ZNF764: variants seen among roughly 807,000 people sequenced by gnomAD.
ZNF764 encodes the protein zinc finger protein 764.
Under a neutral mutation model 13.9 loss-of-function variants are expected in ZNF764, and 10 were observed. That is an observed-to-expected ratio of 0.72 (90% CI 0.44 to 1.22). ZNF764 has a LOEUF of 1.22. Among genes scored for constraint, ZNF764 ranks in the 50% most tolerant of loss-of-function variants. The pLI is 0.00. For missense variants in ZNF764, 647 were observed against 589.7 expected (o/e 1.10, Z -1.01); for synonymous variants, 313 against 255.1 (o/e 1.23, Z -2.16).
At position 30,554,005 on chromosome 16, in the gene ZNF764, T is replaced by G. The variant is rs1229180078; in HGVS notation, c.*1189A>C. The G allele has an allele frequency of 6.6e-6, 1 of 152,138 alleles. No individual in the cohort carries two copies. Among genetic ancestry groups the G allele is most frequent in the African/African-American group, 2.4e-5 (1 of 41,422 alleles). 9.4% of individuals were successfully genotyped at this position (152,138 alleles called of 1,614,324 possible). A position where few individuals can be genotyped will look rare whatever the true frequency, so the allele number is the denominator to read the frequency against. On this transcript the variant is annotated 3_prime_UTR_variant, in exon 3 of 3. Coordinates refer to ENST00000395091, the MANE Select transcript of ZNF764 (RefSeq NM_001172679.2). ...CACCAAAAACACTAAAAGCAAGCCATGATGAATGGCACGTGGTGCTTGGTC... is the reference window on the plus strand; with the variant it reads ...CACCAAAAACACTAAAAGCAAGCCAGGATGAATGGCACGTGGTGCTTGGTC...
Position 30,555,541 on chromosome 16 carries a change from G to T in ZNF764, c.877C>A (p.Arg293Ser). The T allele has an allele frequency of 6.5e-7, 1 of 1,530,930 alleles. No individual in the cohort carries two copies. Among genetic ancestry groups the T allele is most frequent in the Non-Finnish European group, 8.7e-7 (1 of 1,144,720 alleles). 94.8% of individuals were successfully genotyped at this position (1,530,930 alleles called of 1,614,324 possible). The change falls in exon 3 of 3, where the codon CGC becomes AGC. Residue 293 changes from arginine (R) to serine (S), a missense_variant. Coordinates refer to ENST00000395091, the MANE Select transcript of ZNF764 (RefSeq NM_001172679.2). Reference sequence around the variant, plus strand: ...AGGTCCGAGGGGTAGGCGAAGGCGCGGCCACAGTCCGGGCAGGGGAAGGGG... The same window carrying T: ...AGGTCCGAGGGGTAGGCGAAGGCGCTGCCACAGTCCGGGCAGGGGAAGGGG... Reference protein sequence around the residue: ...ETPFPCPDCGRAFAYPSDLRR... With the variant: ...ETPFPCPDCGSAFAYPSDLRR...
At chr16:30,556,131 A>G in intron 2 of ZNF764, 24 bp from the exon 3 acceptor site, 1 of 1,608,164 alleles carries the variant, frequency 6.2e-7, no homozygotes, top group South Asian at 1.1e-5. Context: ...AAGAGGGGAG[A>G]GTTCAGGCTC....
At position 30,558,140 on chromosome 16, in the gene ZNF764, C is replaced by G. The variant is rs572425721; in HGVS notation, c.43G>C (p.Gly15Arg). 2 of 1,604,926 alleles carry G rather than the reference C, an allele frequency of 1.2e-6. No individual in the cohort carries two copies. Among genetic ancestry groups the G allele is most frequent in the South Asian group, 2.2e-5 (2 of 90,694 alleles). ...LAPLPPRDPN[G>R]AGPEWREPGA... ...GGCTCCCTCCACTCGGGTCCGGCCC[C>G]GTTTGGGTCCCGGGGAGGGAGCGGG... The change falls in exon 1 of 3, where the codon GGG becomes CGG. Residue 15 changes from glycine to arginine, a missense_variant. Gly to Arg is a moderately radical substitution (Grantham distance 125). Transcript: ENST00000395091.
In ZNF764 at chr16:30,555,497, G is replaced by A; in HGVS notation, c.921C>T (p.Thr307=). 1 of 1,542,170 alleles carries A rather than the reference G, an allele frequency of 6.5e-7. No individual in the cohort carries two copies. Among genetic ancestry groups the A allele is most frequent in the Non-Finnish European group, 8.7e-7 (1 of 1,149,368 alleles). ...ACGGGTAGGGCTTCTCGCCGGTGTG[G>A]GTGCGCACGTGGCGCCGCAGGTCCG... ...YPSDLRRHVR[T]HTGEKPYPCP... Residue 307 remains threonine (T), a synonymous_variant, in exon 3 of 3, where the codon ACC becomes ACT. Coordinates refer to ENST00000395091, the MANE Select transcript of ZNF764 (RefSeq NM_001172679.2).
chr16:30,555,811 G>C lies in ZNF764; in HGVS notation c.607C>G (p.His203Asp). Residue 203 changes from histidine (H) to aspartate (D), a missense_variant, in exon 3 of 3, where the codon CAC becomes GAC. By Grantham distance (81) the His-to-Asp change is moderately conservative (BLOSUM62 -1). Coordinates refer to ENST00000395091, the MANE Select transcript of ZNF764 (RefSeq NM_001172679.2). ...VYSHTGEKPF[H>D]CTDCGKGFGH... Reference sequence around the variant, plus strand: ...AAGCCCTTGCCGCAGTCAGTGCAGTGGAAGGGCTTCTCGCCAGTGTGACTG... The same window carrying C: ...AAGCCCTTGCCGCAGTCAGTGCAGTCGAAGGGCTTCTCGCCAGTGTGACTG... The C allele has an allele frequency of 6.2e-7, 1 of 1,611,500 alleles. No individual in the cohort carries two copies. The highest frequency in any genetic ancestry group is 8.5e-7 in the Non-Finnish European group (1 of 1,179,890).
At chr16:30,557,424 G>T (rs2051566038) in intron 2 of ZNF764, among the ~76,000 whole-genome samples, 1 of 152,092 alleles carries the variant, frequency 6.6e-6, no homozygotes, top group Non-Finnish European at 1.5e-5. Flanking sequence ...CTATGATGCC[G>T]CCACTGCACT....
Position 30,555,448 on chromosome 16 carries a change from G to T in ZNF764, c.970C>A (p.Arg324Ser). ...YPCPDCGRCFRQSSEMAAHRR... is the reference protein window; with the variant it reads ...YPCPDCGRCFSQSSEMAAHRR... Reference sequence around the variant, plus strand: ...TGGGCTGCCATCTCCGAGCTCTGGCGGAAGCAGCGCCCGCAGTCCGGGCAC... The same window carrying T: ...TGGGCTGCCATCTCCGAGCTCTGGCTGAAGCAGCGCCCGCAGTCCGGGCAC... The change falls in exon 3 of 3, where the codon CGC becomes AGC. Residue 324 changes from arginine to serine, a missense_variant. Arg to Ser is a moderately radical substitution (Grantham distance 110, BLOSUM62 -1). Coordinates refer to ENST00000395091, the MANE Select transcript of ZNF764 (RefSeq NM_001172679.2). 1 of 1,550,246 alleles carries T rather than the reference G, an allele frequency of 6.5e-7. No homozygotes were observed.
rs149618421 is a variant in ZNF764 at position 30,556,107 on chromosome 16, T to C, written c.311A>G (p.Asp104Gly). 564 of 1,610,534 alleles carry C rather than the reference T, an allele frequency of 3.5e-4. 1 individual carries two copies. The highest frequency in any genetic ancestry group is 4.5e-4 in the Non-Finnish European group (528 of 1,179,982). ...TCTTTCCTTTTTCTTGTTTCTGGAATCTGCTGAGAGATAAAGAGGGGAGAG... is the reference window on the plus strand; with the variant it reads ...TCTTTCCTTTTTCTTGTTTCTGGAACCTGCTGAGAGATAAAGAGGGGAGAG... ...VAKCQTQTDP[D>G]SRNKKKERQR... Residue 104 changes from aspartate (D) to glycine (G), a missense_variant and splice_region_variant, in exon 3 of 3, where the codon GAT (aspartate) becomes GGT (glycine). Coordinates refer to ENST00000395091, the MANE Select transcript of ZNF764 (RefSeq NM_001172679.2).
chr16:30,557,518 G>A (rs1350429536), intron 2 of ZNF764, among the ~76,000 whole-genome samples: 1 of 152,208 alleles, frequency 6.6e-6, no homozygotes, highest in African/African-American at 2.4e-5. Flanking sequence ...ACGCAGAGGT[G>A]AGGACTCAGA....
intron 2 of ZNF764, among the ~76,000 whole-genome samples, chr16:30,556,431 T>A (rs1466812175): frequency 6.6e-6 from 1 of 151,028 alleles, no homozygotes; most frequent in African/African-American, 2.4e-5. Flanking sequence ...CAGGAGGGCA[T>A]GGCCAAGTTC....
At position 30,555,709 on chromosome 16, in the gene ZNF764, G is replaced by A. The variant is rs780060820; in HGVS notation, c.709C>T (p.Arg237Trp). 23 of 1,586,628 alleles carry A rather than the reference G, an allele frequency of 1.4e-5. 1 individual carries two copies. The highest frequency in any genetic ancestry group is 4.3e-4 in the Middle Eastern group (2 of 4,648). ...AGCGCCGAGCGCTGCGTGAAGGCCC[G>A]GCCACACTCCAGACAGCGGTGGGGC... Reference protein sequence around the residue: ...ERPHRCLECGRAFTQRSALTS... With the variant: ...ERPHRCLECGWAFTQRSALTS... The change falls in exon 3 of 3, where the codon CGG becomes TGG. Residue 237 changes from arginine to tryptophan, a missense_variant. By Grantham distance (101) the Arg-to-Trp change is moderately radical. Transcript: ENST00000395091.
Position 30,557,792 on chromosome 16 carries a change from A to T in ZNF764, c.251T>A (p.Leu84Gln), listed in dbSNP as rs140195638. 1.5e-5 allele frequency: 24 copies of T among 1,613,016 alleles called. No homozygotes were observed. The African/African-American group carries it at 2.9e-4, about 20-fold the overall frequency. Residue 84 changes from leucine (L) to glutamine (Q), a missense_variant, in exon 2 of 3, where the codon CTG becomes CAG. Leu to Gln is a moderately radical substitution (Grantham distance 113). Transcript: ENST00000395091. ...LISWVEEEAELWGPAAQDPEV... is the reference protein window; with the variant it reads ...LISWVEEEAEQWGPAAQDPEV... ...CGGATCCTGGGCAGCCGGACCCCAC[A>T]GTTCGGCCTCCTCCTCCACCCAGGA... is the stretch of plus-strand genomic sequence containing the variant.
chr16:30,554,786 T>G lies in ZNF764; in HGVS notation c.*408A>C, dbSNP rs752379312. 3.8e-5 allele frequency: 6 copies of G among 159,816 alleles called. No homozygotes were observed. Among genetic ancestry groups the G allele is most frequent in the Admixed American group, 1.3e-4 (2 of 15,470 alleles). The allele number at this position is 159,816 out of a possible 1,614,324, so 9.9% of individuals were successfully genotyped here. A position where few individuals can be genotyped will look rare whatever the true frequency, so the allele number is the denominator to read the frequency against. ...ACAGAGCAGGAAGCTGTCTCAGAAA[T>G]AAATAAATAAATAAATAAAAAGACA... On this transcript the variant is annotated 3_prime_UTR_variant, in exon 3 of 3. Transcript: ENST00000395091.
In ZNF764 at chr16:30,557,858, G is replaced by A. The variant is rs760481963; in HGVS notation, c.197-12C>T. The A allele has an allele frequency of 3.1e-6, 5 of 1,595,938 alleles. No homozygotes were observed. Among genetic ancestry groups the A allele is most frequent in the Admixed American group, 1.7e-5 (1 of 57,206 alleles). On this transcript the variant is annotated splice_polypyrimidine_tract_variant and intron_variant, in intron 1 of 2. Transcript: ENST00000395091. ...GTTGCCTCCGATTCCTAGGGAAGAA[G>A]AACGCAAACCCCACGCTGCGGGGAG...
In ZNF764 at chr16:30,555,053, G is replaced by T; in HGVS notation, c.*141C>A. Reference sequence around the variant, plus strand: ...GGTGCTGGCAGAGGAGGCTGCTAAGGGCCCAAGATCAGACTGTCCGCACCC... The same window carrying T: ...GGTGCTGGCAGAGGAGGCTGCTAAGTGCCCAAGATCAGACTGTCCGCACCC... On this transcript the variant is annotated 3_prime_UTR_variant, in exon 3 of 3. Coordinates refer to ENST00000395091, the MANE Select transcript of ZNF764 (RefSeq NM_001172679.2). 1 of 994,668 alleles carries T rather than the reference G, an allele frequency of 1.0e-6. No homozygotes were observed. The highest frequency in any genetic ancestry group is 1.4e-6 in the Non-Finnish European group (1 of 695,814). The allele number at this position is 994,668 out of a possible 1,614,324, so 61.6% of individuals were successfully genotyped here. A position where few individuals can be genotyped will look rare whatever the true frequency, so the allele number is the denominator to read the frequency against.
rs1471169050 is a variant in ZNF764, at chr16:30,558,134, CG to C, written c.48del (p.Gly17AspfsTer10). 1.9e-6 allele frequency: 3 copies of C among 1,606,028 alleles called. No individual in the cohort carries two copies. In the East Asian group the frequency reaches 6.7e-5, roughly 36 times the overall value. On this transcript the variant is annotated frameshift_variant, in exon 1 of 3. Transcript: ENST00000395091. LOFTEE classifies it high-confidence loss of function. ...GCCCCCGGCTCCCTCCACTCGGGTC[CG>C]GCCCCGTTTGGGTCCCGGGGAGGGA... is the stretch of plus-strand genomic sequence containing the variant. ...APLPPRDPNGAGPEWREPGAV... is the reference protein window; with the variant it reads ...APLPPRDPNGXGPEWREPGAV...
In ZNF764 at chr16:30,556,141, C is replaced by G. The variant is rs370974156; in HGVS notation, c.311-34G>C. On this transcript the variant is annotated intron_variant, in intron 2 of 2. Coordinates refer to ENST00000395091, the MANE Select transcript of ZNF764 (RefSeq NM_001172679.2). The stretch of plus-strand genomic sequence containing the variant: ...AGATAAAGAGGGGAGAGTTCAGGCT[C>G]GGCTCATCCTGGTCCTTGAATCCCA... The G allele has an allele frequency of 2.8e-4, 452 of 1,606,264 alleles. 4 individuals are homozygous for G. In the Middle Eastern group the frequency reaches 2.9e-3, roughly 10 times the overall value.
rs1597132053 is a variant in ZNF764 at position 30,555,675 on chromosome 16, T to G, written c.743A>C (p.His248Pro). 3 of 1,556,010 alleles carry G rather than the reference T, an allele frequency of 1.9e-6. No homozygotes were observed. The highest frequency in any genetic ancestry group is 2.6e-6 in the Non-Finnish European group (3 of 1,154,564). Residue 248 changes from histidine (H) to proline (P), a missense_variant, in exon 3 of 3, where the codon CAC becomes CCC. By Grantham distance (77) the His-to-Pro change is moderately conservative. Coordinates refer to ENST00000395091, the MANE Select transcript of ZNF764 (RefSeq NM_001172679.2). ...TTTCTCGCCGGTGTGGACGCGCAGG[T>G]GCGAAGTCAGCGCCGAGCGCTGCGT... ...AFTQRSALTS[H>P]LRVHTGEKPY...
In ZNF764 at chr16:30,558,159, G is replaced by A; in HGVS notation, c.24C>T (p.Leu8=). The change falls in exon 1 of 3, where the codon CTC becomes CTT. Residue 8 remains leucine (L), a synonymous_variant. Transcript: ENST00000395091. The part of the protein sequence containing the change: MAPPLAP[L]PPRDPNGAGP... ...CGGCCCCGTTTGGGTCCCGGGGAGGGAGCGGGGCCAGAGGCGGCGCCATGG... is the reference window on the plus strand; with the variant it reads ...CGGCCCCGTTTGGGTCCCGGGGAGGAAGCGGGGCCAGAGGCGGCGCCATGG... 1 of 1,599,060 alleles carries A rather than the reference G, an allele frequency of 6.3e-7. No homozygotes were observed. Among genetic ancestry groups the A allele is most frequent in the Non-Finnish European group, 8.5e-7 (1 of 1,176,820 alleles).
Sources: allele counts gnomAD v4.1 joint callset (sites outside exome capture counted in the v4.1 genomes callset), GRCh38; gene constraint gnomAD v4.1.1; transcripts MANE v1.5; gene names NCBI Gene and HGNC (gene_info 2026-07-23, HGNC 2026-07-21).